Variants in MSH3 observed in about 807,000 individuals in gnomAD.
MSH3 encodes DNA mismatch repair protein Msh3.
MSH3 carries 106 observed loss-of-function variants against 123.3 expected under a neutral mutation model. That is an observed-to-expected ratio of 0.86 (90% confidence interval 0.73 to 1.01). MSH3 has a LOEUF of 1.01. MSH3 is among the 50% of genes least tolerant of loss of function. MSH3 has a pLI of 0.00. For synonymous variants in MSH3, 515 were observed against 481.4 expected (o/e 1.07, Z -0.91); for missense variants, 1,459 against 1,347.6 (o/e 1.08, Z -1.29).
At chr5:80,729,862 C>T (rs1416052551) in intron 10 of MSH3, among the ~76,000 whole-genome samples, 1 of 152,152 alleles carries the variant, frequency 6.6e-6, no homozygotes, top group African/African-American at 2.4e-5. Flanking sequence ...GAATCACCCT[C>T]CATTATATTG....
At chr5:80,692,564 GTA>G (rs1192206789) in intron 8 of MSH3, among the ~76,000 whole-genome samples, 2 of 140,924 alleles carry the variant, frequency 1.4e-5, no homozygotes, top group Non-Finnish European at 3.1e-5. Flanking sequence ...AGATAAACAT[GTA>G]TATGTTTATA....
In MSH3 at chr5:80,874,213, TA is replaced by T. The variant is rs1271899242; in HGVS notation, c.3302+927del. 4.6e-5 allele frequency among the ~76,000 whole-genome samples: 7 copies of T among 152,360 alleles called. No homozygotes were observed. The East Asian group carries it at 1.3e-3, about 29-fold the overall frequency. On this transcript the variant is annotated intron_variant, in intron 23 of 23. Coordinates refer to ENST00000265081, the MANE Select transcript of MSH3 (RefSeq NM_002439.5). Reference sequence around the variant, plus strand: ...ATTGAAATAGTAATGCCTATCATACTAGCTAAAGAAACAGTTGCTAACTTGT... The same window carrying T: ...ATTGAAATAGTAATGCCTATCATACTGCTAAAGAAACAGTTGCTAACTTGT...
chr5:80,836,775 TA>T lies in MSH3; in HGVS notation c.2814-17354del, dbSNP rs553240466. Among the ~76,000 whole-genome samples, 73 of 145,154 alleles carry T rather than the reference TA, an allele frequency of 5.0e-4. No homozygotes were observed. The South Asian group carries it at 6.6e-3, about 13-fold the overall frequency. On this transcript the variant is annotated intron_variant, in intron 20 of 23. Coordinates refer to ENST00000265081, the MANE Select transcript of MSH3 (RefSeq NM_002439.5). ...TATGTAAAGAGTTCCTATACTGTAT[TA>T]TTTTTAACATTTATATTATTTTGTA...
intron 19 of MSH3, among the ~76,000 whole-genome samples, chr5:80,813,343 A>G (rs568338628): frequency 6.6e-6 from 1 of 152,368 alleles, no homozygotes; most frequent in Non-Finnish European, 1.5e-5. Flanking sequence ...AAGCCATAGC[A>G]GTTATCCACT....
In MSH3 at chr5:80,682,804, CA is replaced by C. The variant is rs1750000628; in HGVS notation, c.1340+3714del. On this transcript the variant is annotated intron_variant, in intron 8 of 23. Transcript: ENST00000265081. ...GACTGTAGTCATTCTGTTGCACTAT[CA>C]AATGCTAGGTCTTATTCTTTCTATT... 3.3e-5 allele frequency among the ~76,000 whole-genome samples: 5 copies of C among 152,124 alleles called. No homozygotes were observed. In the South Asian group the frequency reaches 1.0e-3, roughly 32 times the overall value.
rs767389743 is a variant in MSH3 at position 80,678,932 on chromosome 5, G to A, written c.1179G>A (p.Val393=). 3.7e-6 allele frequency: 6 copies of A among 1,614,000 alleles called. No individual in the cohort carries two copies. The highest frequency in any genetic ancestry group is 5.1e-6 in the Non-Finnish European group (6 of 1,180,018). ...KGNIFIGIVG[V]QPATGEVVFD... ...ATATTTGTATTTGTTTTTAGGGAGT[G>A]CAGCCTGCCACAGGCGAGGTTGTGT... is the stretch of plus-strand genomic sequence containing the variant. The change falls in exon 8 of 24, where the codon GTG becomes GTA. Residue 393 remains valine (V), a synonymous_variant. Coordinates refer to ENST00000265081, the MANE Select transcript of MSH3 (RefSeq NM_002439.5).
At chr5:80,766,268 CT>C (rs552861425) in intron 13 of MSH3, among the ~76,000 whole-genome samples, 3 of 149,386 alleles carry the variant, frequency 2.0e-5, no homozygotes, top group Non-Finnish European at 4.5e-5. Flanking sequence ...AAGTCAATTA[CT>C]GTTTATTTGT....
At chr5:80,833,704 G>A (rs1446709288) in intron 20 of MSH3, among the ~76,000 whole-genome samples, 1 of 152,238 alleles carries the variant, frequency 6.6e-6, no homozygotes, top group Non-Finnish European at 1.5e-5. Flanking sequence ...GCCTCCCAAA[G>A]TGCTGGGATT....
At chr5:80,779,383 T>C (rs942839765) in intron 17 of MSH3, among the ~76,000 whole-genome samples, 15 of 152,278 alleles carry the variant, frequency 9.9e-5, no homozygotes, top group African/African-American at 3.6e-4. Context: ...TTGCCACATT[T>C]GCTTTTTATC....
At chr5:80,788,950 G>T (rs1464548174) in intron 18 of MSH3, among the ~76,000 whole-genome samples, 1 of 152,010 alleles carries the variant, frequency 6.6e-6, no homozygotes, top group Non-Finnish European at 1.5e-5. Flanking sequence ...TGCTATGCGT[G>T]TTCTATCCTA....
At chr5:80,681,532 A>T (rs1749967035) in intron 8 of MSH3, among the ~76,000 whole-genome samples, 1 of 151,948 alleles carries the variant, frequency 6.6e-6, no homozygotes, top group African/African-American at 2.4e-5. Context: ...AAAAATGAAT[A>T]TAGAAATGGA....
intron 8 of MSH3, among the ~76,000 whole-genome samples, chr5:80,700,620 G>T (rs1455163193): frequency 6.6e-6 from 1 of 151,778 alleles, no homozygotes; most frequent in Non-Finnish European, 1.5e-5. Context: ...TTTAATGGAT[G>T]TGCTTAACTC....
rs1037153907 is a variant in MSH3, at chr5:80,807,586, T to C, written c.2656-5998T>C. On this transcript the variant is annotated intron_variant, in intron 19 of 23. Coordinates refer to ENST00000265081, the MANE Select transcript of MSH3 (RefSeq NM_002439.5). Reference sequence around the variant, plus strand: ...ACGAGTAATACGTGCGGCAGATTTGTTTATCACTTTTGTGTTACATCAGTT... The same window carrying C: ...ACGAGTAATACGTGCGGCAGATTTGCTTATCACTTTTGTGTTACATCAGTT... 6.6e-5 allele frequency among the ~76,000 whole-genome samples: 10 copies of C among 152,352 alleles called. No homozygotes were observed. The East Asian group carries it at 7.7e-4, about 12-fold the overall frequency.
At chr5:80,723,935 G>A (rs1751141184) in intron 8 of MSH3, among the ~76,000 whole-genome samples, 1 of 151,804 alleles carries the variant, frequency 6.6e-6, no homozygotes, top group Admixed American at 6.6e-5. Context: ...GCTAATTTTT[G>A]TATTTTTTGT....
At chr5:80,733,113 A>G (rs1472235602) in intron 10 of MSH3, among the ~76,000 whole-genome samples, 2 of 152,166 alleles carry the variant, frequency 1.3e-5, no homozygotes, top group African/African-American at 2.4e-5. Flanking sequence ...TTAAAAAAAG[A>G]CAGTGTGGAA....
intron 8 of MSH3, among the ~76,000 whole-genome samples, chr5:80,711,626 T>C (rs1300943150): frequency 1.3e-5 from 2 of 152,180 alleles, no homozygotes; most frequent in Non-Finnish European, 1.5e-5. Flanking sequence ...AGACCCCTTT[T>C]TGAAGACAGC....
chr5:80,669,990 C>T (rs1749667390), intron 3 of MSH3, 107 bp from the exon 4 acceptor site: 2 of 1,002,102 alleles, frequency 2.0e-6, no homozygotes, highest in Admixed American at 4.1e-5. Context: ...AACTTTTCAT[C>T]TAGATTCACT....
At chr5:80,860,180 G>A (rs1745991839) in intron 21 of MSH3, among the ~76,000 whole-genome samples, 1 of 151,958 alleles carries the variant, frequency 6.6e-6, no homozygotes, top group Non-Finnish European at 1.5e-5. Flanking sequence ...AAAATGTTAT[G>A]CTAGATCCAC....
intron 8 of MSH3, among the ~76,000 whole-genome samples, chr5:80,710,955 C>T (rs1207342385): frequency 6.6e-6 from 1 of 152,156 alleles, no homozygotes; most frequent in African/African-American, 2.4e-5. Context: ...TTTTTAACCT[C>T]ATTGCAGACA....
Sources: gnomAD v4.1 joint callset for allele counts (sites outside exome capture counted in the v4.1 genomes callset) on GRCh38, gnomAD v4.1.1 for gene constraint, MANE v1.5 for transcripts, NCBI Gene and HGNC (gene_info 2026-07-23, HGNC 2026-07-21) for gene names.